KIF6: variants seen among roughly 807,000 people sequenced by gnomAD.
The protein encoded by KIF6 is kinesin family member 6.
In KIF6, 106 loss-of-function variants were observed where a neutral mutation model predicts 112.7. That is an observed-to-expected ratio of 0.94 (90% CI 0.80 to 1.11). The LOEUF (loss-of-function observed/expected upper bound fraction) is 1.11, where lower values mean the gene tolerates loss of function less well. Among genes scored for constraint, KIF6 ranks in the 50% least tolerant of loss-of-function variants. The probability of loss-of-function intolerance (pLI) is 0.00; values close to 1 mark genes in which losing one functional copy is unlikely to be tolerated. For synonymous variants in KIF6, 339 were observed against 339.9 expected, an observed-to-expected ratio of 1.00 and a Z score of 0.03; for missense variants, 929 against 964.0, an observed-to-expected ratio of 0.96 and a Z score of 0.48.
intron 10 of KIF6, among the ~76,000 whole-genome samples, chr6:39,561,513 G>A (rs1384196278): frequency 2.6e-5 from 4 of 151,884 alleles, no homozygotes; most frequent in South Asian, 2.1e-4. Flanking sequence ...CACCACGCCC[G>A]GTTAATTTTT....
intron 13 of KIF6, among the ~76,000 whole-genome samples, chr6:39,453,168 G>A (rs1345242587): frequency 6.6e-6 from 1 of 152,190 alleles, no homozygotes; most frequent in African/African-American, 2.4e-5. Flanking sequence ...GAGGACACCT[G>A]TTTCATTAAT....
intron 13 of KIF6, among the ~76,000 whole-genome samples, chr6:39,452,680 T>C (rs1415646846): frequency 6.6e-6 from 1 of 152,200 alleles, no homozygotes; most frequent in Non-Finnish European, 1.5e-5. Context: ...AAAGGGAACA[T>C]TTTTATTAAA....
chr6:39,429,556 T>G (rs1288749203), intron 14 of KIF6, among the ~76,000 whole-genome samples: 1 of 152,212 alleles, frequency 6.6e-6, no homozygotes, highest in Non-Finnish European at 1.5e-5. Context: ...ATTAGCCAAT[T>G]CTTTCCCATC....
At chr6:39,686,221 T>A (rs1787859720) in intron 3 of KIF6, among the ~76,000 whole-genome samples, 1 of 152,240 alleles carries the variant, frequency 6.6e-6, no homozygotes. Flanking sequence ...GGATTTCAAA[T>A]GTATGTAAAA....
chr6:39,510,441 A>T (rs573009985), intron 13 of KIF6, among the ~76,000 whole-genome samples: 53 of 152,270 alleles, frequency 3.5e-4, no homozygotes, highest in African/African-American at 1.2e-3. Flanking sequence ...ATATCCAGCC[A>T]AACTAAGCTT....
intron 13 of KIF6, among the ~76,000 whole-genome samples, chr6:39,503,254 T>C (rs186626500): frequency 1.8e-4 from 28 of 152,206 alleles, no homozygotes; most frequent in African/African-American, 6.7e-4. Context: ...GGGTAAATAA[T>C]GAAATTAAGG....
At chr6:39,350,982 C>T (rs183542235) in intron 19 of KIF6, among the ~76,000 whole-genome samples, 6 of 152,240 alleles carry the variant, frequency 3.9e-5, no homozygotes, top group African/African-American at 9.6e-5. Context: ...ACCAGCTCGC[C>T]GGCAGCAACC....
intron 13 of KIF6, among the ~76,000 whole-genome samples, chr6:39,483,604 C>T (rs939651883): frequency 6.6e-6 from 1 of 152,140 alleles, no homozygotes; most frequent in African/African-American, 2.4e-5. Flanking sequence ...AGGTTTTAAA[C>T]CAGTGCATTT....
Position 39,549,647 on chromosome 6 carries a change from G to A in KIF6, c.1182-3959C>T, listed in dbSNP as rs138100681. On this transcript the variant is annotated intron_variant, in intron 10 of 22. Coordinates refer to ENST00000287152, the MANE Select transcript of KIF6 (RefSeq NM_145027.6). Reference sequence around the variant, plus strand: ...TCATTGAGGAGGCAAATAGGTGGACGAAGAAGTGGGAAATAACTGAAAAGC... The same window carrying A: ...TCATTGAGGAGGCAAATAGGTGGACAAAGAAGTGGGAAATAACTGAAAAGC... Among the ~76,000 whole-genome samples, 283 of 152,324 alleles carry A rather than the reference G, an allele frequency of 1.9e-3. 2 individuals carry two copies. The highest frequency in any genetic ancestry group is 6.7e-3 in the African/African-American group (277 of 41,588).
At chr6:39,705,175 AC>A (rs1789126897) in intron 3 of KIF6, among the ~76,000 whole-genome samples, 1 of 152,168 alleles carries the variant, frequency 6.6e-6, no homozygotes, top group South Asian at 2.1e-4. Flanking sequence ...TGAATCTCAA[AC>A]CTTAGTGTGC....
intron 19 of KIF6, among the ~76,000 whole-genome samples, chr6:39,351,051 C>G (rs774097057): frequency 2.6e-5 from 4 of 152,252 alleles, no homozygotes; most frequent in African/African-American, 7.2e-5. Context: ...TCCCCAAGAC[C>G]CTTCTGCCAG....
chr6:39,684,838 A>G (rs909431334), intron 3 of KIF6, among the ~76,000 whole-genome samples: 1 of 151,974 alleles, frequency 6.6e-6, no homozygotes, highest in African/African-American at 2.4e-5. Context: ...TATTTTAAAG[A>G]GGAGGAGGAA....
intron 5 of KIF6, among the ~76,000 whole-genome samples, chr6:39,615,046 A>G (rs1170833064): frequency 6.6e-6 from 1 of 152,104 alleles, no homozygotes; most frequent in Non-Finnish European, 1.5e-5. Context: ...CAGTGGCTCA[A>G]GCTTGTAATC....
intron 3 of KIF6, among the ~76,000 whole-genome samples, chr6:39,662,234 G>C (rs1159607609): frequency 6.6e-6 from 1 of 152,144 alleles, no homozygotes; most frequent in Non-Finnish European, 1.5e-5. Context: ...AATGTTAAGA[G>C]AGGCTGATTT....
At chr6:39,616,630 G>A (rs771816427) in intron 5 of KIF6, among the ~76,000 whole-genome samples, 1 of 152,080 alleles carries the variant, frequency 6.6e-6, no homozygotes, top group African/African-American at 2.4e-5. Flanking sequence ...CCAATCCCTT[G>A]GGCATGATGC....
At position 39,342,594 on chromosome 6, in the gene KIF6, G is replaced by GT. The variant is rs1443982685; in HGVS notation, c.2428+1114dup. 1.1e-4 allele frequency among the ~76,000 whole-genome samples: 14 copies of GT among 124,376 alleles called. 1 individual carries two copies. Among genetic ancestry groups the GT allele is most frequent in the African/African-American group, 3.5e-4 (8 of 22,876 alleles). 81.6% of individuals were successfully genotyped at this position (124,376 alleles called of 152,430 possible). On this transcript the variant is annotated intron_variant, in intron 22 of 22. Coordinates refer to ENST00000287152, the MANE Select transcript of KIF6 (RefSeq NM_145027.6). This position sits in a 1 kb window ranked among gnomAD's most constrained non-coding sequence, Gnocchi z 4.7. Reference sequence around the variant, plus strand: ...GGGGACTTGGAGATCACTGAATCCAGTTTTTTATTTTTTTTTATTTTTTTT... The same window carrying GT: ...GGGGACTTGGAGATCACTGAATCCAGTTTTTTTATTTTTTTTTATTTTTTTT...
chr6:39,645,289 T>A (rs1785103042), intron 3 of KIF6, among the ~76,000 whole-genome samples: 1 of 152,108 alleles, frequency 6.6e-6, no homozygotes, highest in African/African-American at 2.4e-5. Context: ...GATTATAAAC[T>A]GAAGTGTCAC....
intron 22 of KIF6, among the ~76,000 whole-genome samples, chr6:39,338,986 TA>T (rs1040569774): frequency 3.3e-5 from 5 of 151,968 alleles, no homozygotes; most frequent in African/African-American, 1.2e-4. Context: ...TGCTACAGAA[TA>T]GGGGGGAGAG....
At chr6:39,648,789 G>C (rs1785311110) in intron 3 of KIF6, among the ~76,000 whole-genome samples, 1 of 152,188 alleles carries the variant, frequency 6.6e-6, no homozygotes, top group Non-Finnish European at 1.5e-5. Flanking sequence ...CCACTGTGAA[G>C]CATGTCCCCT....
Sources: gnomAD v4.1 joint callset for allele counts (sites outside exome capture counted in the v4.1 genomes callset) on GRCh38, gnomAD v4.1.1 for gene constraint, Gnocchi (gnomAD v3.1) non-coding constraint, MANE v1.5 for transcripts, NCBI Gene and HGNC (gene_info 2026-07-23, HGNC 2026-07-21) for gene names.